FKBP1A: variants seen among roughly 807,000 people sequenced by gnomAD.
FKBP1A encodes FKBP prolyl isomerase 1A.
A neutral mutation model predicts 14.2 loss-of-function variants in FKBP1A; 5 were observed. The ratio of observed to expected loss-of-function variants is 0.35; its 90% CI spans 0.18 to 0.74. The LOEUF is 0.74. Among genes scored for constraint, FKBP1A ranks in the 30% least tolerant of loss-of-function variants. FKBP1A has a pLI of 0.56. For missense variants in FKBP1A, 53 were observed against 138.8 expected (o/e 0.38, Z 3.10); for synonymous variants, 42 against 49.1 (o/e 0.86, Z 0.60).
intron 2 of FKBP1A, among the ~76,000 whole-genome samples, chr20:1,376,042 TATA>T (rs1485204136): frequency 6.6e-6 from 1 of 152,194 alleles, no homozygotes; most frequent in African/African-American, 2.4e-5. Context: ...ATCTTTCACA[TATA>T]ATGTGTGTAT....
intron 3 of FKBP1A, 105 bp downstream of exon 3, chr20:1,375,386 A>C: frequency 1.3e-6 from 1 of 767,070 alleles, no homozygotes; most frequent in Non-Finnish European, 2.2e-6. Context: ...CATGAGGGTG[A>C]GACTTTTCAC....
intron 2 of FKBP1A, 112 bp downstream of exon 2, chr20:1,392,722 G>T: frequency 1.4e-6 from 1 of 728,650 alleles, no homozygotes; most frequent in Non-Finnish European, 1.9e-6. Flanking sequence ...TGCGGACCTC[G>T]CCGCCGCCAC....
intron 4 of FKBP1A, 61 bp downstream of exon 4, chr20:1,372,015 C>G (rs2089472012): frequency 6.4e-7 from 1 of 1,560,068 alleles, no homozygotes; most frequent in South Asian, 1.2e-5. Flanking sequence ...CCATCAAACG[C>G]TGGGCATAAC....
intron 2 of FKBP1A, among the ~76,000 whole-genome samples, chr20:1,388,407 C>T (rs2089692642): frequency 6.6e-6 from 1 of 152,224 alleles, no homozygotes; most frequent in South Asian, 2.1e-4. Flanking sequence ...CTCAATGGAA[C>T]TGTGGTTTTA....
chr20:1,382,838 TCTC>T (rs992422954), intron 2 of FKBP1A, among the ~76,000 whole-genome samples: 9 of 151,346 alleles, frequency 5.9e-5, no homozygotes, highest in African/African-American at 1.7e-4. Flanking sequence ...TTCGCCTGGG[TCTC>T]CTCCTGAACT....
intron 2 of FKBP1A, among the ~76,000 whole-genome samples, chr20:1,382,790 G>C (rs2089630842): frequency 6.6e-6 from 1 of 152,222 alleles, no homozygotes; most frequent in Non-Finnish European, 1.5e-5. Flanking sequence ...AGAAGCCAAA[G>C]CTATGACTGA....
At chr20:1,375,755 AT>A in intron 2 of FKBP1A, 152 bp from the exon 3 acceptor site, 1 of 657,046 alleles carries the variant, frequency 1.5e-6, no homozygotes, top group Non-Finnish European at 2.8e-6. Flanking sequence ...CTCACTGGAC[AT>A]CTAAGGAGTT....
intron 4 of FKBP1A, among the ~76,000 whole-genome samples, chr20:1,371,453 G>A (rs1241655768): frequency 6.6e-6 from 1 of 152,168 alleles, no homozygotes; most frequent in Non-Finnish European, 1.5e-5. Context: ...TCTGATCTAA[G>A]AGCATCCTTT....
intron 2 of FKBP1A, among the ~76,000 whole-genome samples, chr20:1,380,758 G>C (rs149789228): frequency 6.6e-6 from 1 of 152,268 alleles, no homozygotes; most frequent in East Asian, 1.9e-4. Flanking sequence ...GCAGAAAACA[G>C]GACCCACAAT....
chr20:1,387,615 G>A (rs2089681650), intron 2 of FKBP1A, among the ~76,000 whole-genome samples: 2 of 152,168 alleles, frequency 1.3e-5, no homozygotes, highest in Non-Finnish European at 2.9e-5. Flanking sequence ...GGAGGCTAAG[G>A]AGGGTGGATC....
chr20:1,370,986 G>A (rs2089456172), intron 4 of FKBP1A: 1 of 985,412 alleles, frequency 1.0e-6, no homozygotes, highest in Non-Finnish European at 1.2e-6. Context: ...GGTGTGTGTG[G>A]TTCAAACAGA....
At chr20:1,390,626 G>A (rs914651787) in intron 2 of FKBP1A, among the ~76,000 whole-genome samples, 1 of 152,220 alleles carries the variant, frequency 6.6e-6, no homozygotes, top group South Asian at 2.1e-4. Flanking sequence ...CCCCCAAGAT[G>A]GATTCTGTTC....
chr20:1,389,412 C>T (rs1170702357), intron 2 of FKBP1A, among the ~76,000 whole-genome samples: 2 of 152,166 alleles, frequency 1.3e-5, no homozygotes, highest in Non-Finnish European at 2.9e-5. Context: ...ATCAGATCAC[C>T]AACCAAGAGA....
At chr20:1,371,669 C>A (rs1183277470) in intron 4 of FKBP1A, 7 of 953,856 alleles carry the variant, frequency 7.3e-6, no homozygotes, top group Non-Finnish European at 8.7e-6. Context: ...ATCCAAAGGG[C>A]TTTTTTTTTC....
intron 4 of FKBP1A, chr20:1,370,632 C>A (rs2089451327): frequency 5.1e-6 from 5 of 985,274 alleles, no homozygotes; most frequent in Non-Finnish European, 6.0e-6. Flanking sequence ...TGGGTTTGCC[C>A]TTGGATTTTC....
Position 1,392,882 on chromosome 20 carries a change from C to T in FKBP1A, c.38-1G>A. 6.6e-7 allele frequency: 1 copy of T among 1,519,652 alleles called. No homozygotes were observed. Among genetic ancestry groups the T allele is most frequent in the Non-Finnish European group, 8.8e-7 (1 of 1,130,972 alleles). 94.1% of individuals were successfully genotyped at this position (1,519,652 alleles called of 1,614,324 possible). A position where few individuals can be genotyped will look rare whatever the true frequency, so the allele number is the denominator to read the frequency against. ...TGGCCGCGCTTGGGGAAGGTGCGCC[C>T]TGAGGAGACAGAGACGGGCATGCTG... On this transcript the variant is annotated splice_acceptor_variant, in intron 1 of 4. Coordinates refer to ENST00000400137, the MANE Select transcript of FKBP1A (RefSeq NM_000801.5). LOFTEE classifies it high-confidence loss of function.
chr20:1,387,490 C>T (rs1378747627), intron 2 of FKBP1A, among the ~76,000 whole-genome samples: 2 of 152,158 alleles, frequency 1.3e-5, no homozygotes, highest in African/African-American at 2.4e-5. Context: ...GGGAAAAAGT[C>T]ACTTGCCCCC....
At chr20:1,384,861 T>C (rs1355794643) in intron 2 of FKBP1A, among the ~76,000 whole-genome samples, 1 of 152,154 alleles carries the variant, frequency 6.6e-6, no homozygotes. Flanking sequence ...ACATTTCCCA[T>C]ACGCAGTATG....
chr20:1,370,319 G>A, intron 4 of FKBP1A: 1 of 985,410 alleles, frequency 1.0e-6, no homozygotes, highest in Non-Finnish European at 1.2e-6. Context: ...GCCTTGCTGA[G>A]GACAGCAGGA....
Sources: gnomAD v4.1 joint callset for allele counts (sites outside exome capture counted in the v4.1 genomes callset) on GRCh38, gnomAD v4.1.1 for gene constraint, MANE v1.5 for transcripts, NCBI Gene and HGNC (gene_info 2026-07-23, HGNC 2026-07-21) for gene names.